The following UBTD2 variants were observed in gnomAD, a reference collection of about 807,000 sequenced individuals.
The protein encoded by UBTD2 is ubiquitin domain-containing protein 2.
A neutral mutation model predicts 19.8 loss-of-function variants in UBTD2; 9 were observed. The ratio of observed to expected loss-of-function variants is 0.46; its 90% confidence interval spans 0.27 to 0.79. UBTD2 has a LOEUF of 0.79. Ranked by LOEUF, UBTD2 falls within the 30% of genes least tolerant of loss-of-function variation. The pLI is 0.14. For synonymous variants in UBTD2, 98 were observed against 103.9 expected (o/e 0.94, Z 0.35); for missense variants, 250 against 300.4 (o/e 0.83, Z 1.24).
chr5:172,245,430 A>G (rs759284682), intron 1 of UBTD2, among the ~76,000 whole-genome samples: 11 of 152,184 alleles, frequency 7.2e-5, no homozygotes, highest in Non-Finnish European at 1.6e-4. Flanking sequence ...AACAGTCCCA[A>G]AACAATACAG....
At chr5:172,228,596 C>T (rs1771824528) in intron 2 of UBTD2, among the ~76,000 whole-genome samples, 1 of 152,028 alleles carries the variant, frequency 6.6e-6, no homozygotes, top group South Asian at 2.1e-4. Context: ...TGCTGCACGC[C>T]TGTAATCTCA....
chr5:172,255,832 C>T (rs1237090329), intron 1 of UBTD2, among the ~76,000 whole-genome samples: 2 of 152,144 alleles, frequency 1.3e-5, no homozygotes, highest in African/African-American at 4.8e-5. Context: ...CTCACGCCTG[C>T]AATCCCACCA....
chr5:172,235,060 G>C (rs1339248447), intron 1 of UBTD2, among the ~76,000 whole-genome samples: 1 of 151,462 alleles, frequency 6.6e-6, no homozygotes, highest in African/African-American at 2.4e-5. Context: ...TCTCAATTCT[G>C]TTATGAATCT....
intron 2 of UBTD2, among the ~76,000 whole-genome samples, chr5:172,224,298 CTTTTTTTT>C (rs35105814): frequency 8.2e-6 from 1 of 121,650 alleles, no homozygotes; most frequent in Non-Finnish European, 1.7e-5. Flanking sequence ...TTTTTCATTT[CTTTTTTTT>C]TTTTTTTTTT....
intron 2 of UBTD2, among the ~76,000 whole-genome samples, chr5:172,232,563 AAG>A (rs1771923289): frequency 6.6e-6 from 1 of 152,124 alleles, no homozygotes; most frequent in Admixed American, 6.6e-5. Flanking sequence ...AGGATATAGT[AAG>A]TTAAGTATCT....
intron 2 of UBTD2, among the ~76,000 whole-genome samples, chr5:172,216,705 C>T (rs555800835): frequency 6.6e-6 from 1 of 150,866 alleles, no homozygotes; most frequent in Admixed American, 6.6e-5. Context: ...GCCTGTAATC[C>T]AGCACTTTGG....
At chr5:172,229,706 T>A (rs993236394) in intron 2 of UBTD2, among the ~76,000 whole-genome samples, 2 of 152,082 alleles carry the variant, frequency 1.3e-5, no homozygotes, top group African/African-American at 2.4e-5. Flanking sequence ...ATCTTCTATA[T>A]CATAATTACA....
intron 1 of UBTD2, among the ~76,000 whole-genome samples, chr5:172,273,688 G>A (rs547849569): frequency 5.6e-4 from 84 of 151,292 alleles, no homozygotes; most frequent in Non-Finnish European, 1.0e-3. Flanking sequence ...TAGCCCAACG[G>A]AAGGTAGATG....
chr5:172,218,059 A>T (rs1019087235), intron 2 of UBTD2, among the ~76,000 whole-genome samples: 11 of 152,246 alleles, frequency 7.2e-5, no homozygotes, highest in Non-Finnish European at 1.6e-4. Context: ...TCAAGTTCAC[A>T]TGGAACATTT....
chr5:172,229,907 T>A (rs1159521602), intron 2 of UBTD2, among the ~76,000 whole-genome samples: 1 of 152,236 alleles, frequency 6.6e-6, no homozygotes, highest in East Asian at 1.9e-4. Context: ...GGTAAACTAC[T>A]ATATTAAGAA....
At chr5:172,229,046 G>A (rs563401258) in intron 2 of UBTD2, among the ~76,000 whole-genome samples, 113 of 152,140 alleles carry the variant, frequency 7.4e-4, no homozygotes, top group Non-Finnish European at 1.4e-3. Flanking sequence ...TAAGGGTTAA[G>A]GACAAAAGAA....
intron 1 of UBTD2, among the ~76,000 whole-genome samples, chr5:172,276,681 T>C (rs1028996316): frequency 4.0e-5 from 6 of 151,676 alleles, no homozygotes; most frequent in Admixed American, 2.6e-4. Context: ...GTAAGGTTCA[T>C]TATTGGGGTG....
At chr5:172,275,009 C>A (rs1755578928) in intron 1 of UBTD2, among the ~76,000 whole-genome samples, 1 of 152,144 alleles carries the variant, frequency 6.6e-6, no homozygotes, top group African/African-American at 2.4e-5. Context: ...GCACTCCAGC[C>A]TGTGCAACAG....
Position 172,209,906 on chromosome 5 carries a change from G to C in UBTD2, c.*1924C>G, listed in dbSNP as rs1235631088. On this transcript the variant is annotated 3_prime_UTR_variant, in exon 3 of 3. Transcript: ENST00000393792. ...TTTACCAATCGATATCATAGATATT[G>C]ATGACATCACCAAATCTGCTTAAGA... 1 of 152,550 alleles carries C rather than the reference G, an allele frequency of 6.6e-6. No individual in the cohort carries two copies. Among genetic ancestry groups the C allele is most frequent in the Non-Finnish European group, 1.5e-5 (1 of 68,028 alleles). The allele number at this position is 152,550 out of a possible 1,614,324, so 9.4% of individuals were successfully genotyped here.
intron 1 of UBTD2, among the ~76,000 whole-genome samples, chr5:172,278,273 G>A (rs1442217294): frequency 6.6e-6 from 1 of 151,952 alleles, no homozygotes; most frequent in Non-Finnish European, 1.5e-5. Context: ...TCCAACAGAT[G>A]AATGGATAAA....
At chr5:172,260,099 G>C (rs1755236343) in intron 1 of UBTD2, among the ~76,000 whole-genome samples, 1 of 130,142 alleles carries the variant, frequency 7.7e-6, no homozygotes, top group Non-Finnish European at 1.6e-5. Flanking sequence ...AAAAAGAAGA[G>C]CAAATGCAAA....
intron 1 of UBTD2, among the ~76,000 whole-genome samples, chr5:172,245,436 T>C (rs765084022): frequency 1.1e-4 from 17 of 152,122 alleles, no homozygotes; most frequent in Non-Finnish European, 2.2e-4. Flanking sequence ...CCCAAAACAA[T>C]ACAGCCATGG....
At chr5:172,270,983 T>C (rs1293536875) in intron 1 of UBTD2, among the ~76,000 whole-genome samples, 1 of 152,154 alleles carries the variant, frequency 6.6e-6, no homozygotes, top group South Asian at 2.1e-4. Flanking sequence ...TCTAATAACA[T>C]ATCTTAATAA....
chr5:172,211,782 C>A lies in UBTD2; in HGVS notation c.*48G>T, dbSNP rs758680733. 1.3e-6 allele frequency: 2 copies of A among 1,520,888 alleles called. No homozygotes were observed. Among genetic ancestry groups the A allele is most frequent in the Non-Finnish European group, 8.8e-7 (1 of 1,134,490 alleles). 94.2% of individuals were successfully genotyped at this position (1,520,888 alleles called of 1,614,324 possible). On this transcript the variant is annotated 3_prime_UTR_variant, in exon 3 of 3. Transcript: ENST00000393792. The stretch of plus-strand genomic sequence containing the variant: ...GCAGAGTAGGAAATGACAACAAGAA[C>A]CATAAAAAGGAGCAGAGGGATGTGG...
Sources: gnomAD v4.1 joint callset for allele counts (sites outside exome capture counted in the v4.1 genomes callset) on GRCh38, gnomAD v4.1.1 for gene constraint, MANE v1.5 for transcripts, NCBI Gene and HGNC (gene_info 2026-07-23, HGNC 2026-07-21) for gene names.